The following FBLN7 variants were observed in gnomAD, a reference collection of about 807,000 sequenced individuals.
FBLN7 encodes fibulin-7.
FBLN7 carries 31 observed loss-of-function variants against 44.0 expected under a neutral mutation model. The observed-to-expected ratio is 0.70, with a 90% CI of 0.53 to 0.95. The LOEUF (loss-of-function observed/expected upper bound fraction) is 0.95. Ranked by LOEUF, FBLN7 falls within the 40% of genes least tolerant of loss-of-function variation. FBLN7 has a pLI of 0.00. For missense variants in FBLN7, 573 were observed against 618.5 expected, an observed-to-expected ratio of 0.93 and a Z score of 0.78; for synonymous variants, 262 against 253.4, an observed-to-expected ratio of 1.03 and a Z score of -0.32.
chr2:112,169,499 C>A lies in FBLN7; in HGVS notation c.406+4328C>A, dbSNP rs537083675. 2.6e-5 allele frequency among the ~76,000 whole-genome samples: 4 copies of A among 152,254 alleles called. No homozygotes were observed. In the South Asian group the frequency reaches 8.3e-4, roughly 32 times the overall value. ...TTGTGCCTTTGACAACGTGGGTAAC[C>A]AAAGAAACGAATTTGAGAGATATAA... On this transcript the variant is annotated intron_variant, in intron 3 of 7. Coordinates refer to ENST00000331203, the MANE Select transcript of FBLN7 (RefSeq NM_153214.3).
chr2:112,159,167 T>C (rs987913274), intron 1 of FBLN7, among the ~76,000 whole-genome samples: 1 of 151,496 alleles, frequency 6.6e-6, no homozygotes, highest in Admixed American at 6.6e-5. Context: ...TGACTTTTAT[T>C]GAATGCCTCT....
intron 6 of FBLN7, among the ~76,000 whole-genome samples, chr2:112,184,418 G>C (rs138379868): frequency 1.2e-3 from 179 of 152,268 alleles, no homozygotes; most frequent in Non-Finnish European, 1.9e-3. Context: ...AAGGCATCCA[G>C]ATAGCCACCC....
chr2:112,227,164 C>A, the FBLN7 span, among the ~76,000 whole-genome samples: 1 of 152,214 alleles, frequency 6.6e-6, no homozygotes, highest in African/African-American at 2.4e-5. Context: ...TTCTATTTAA[C>A]CTTGTATAGA....
chr2:112,197,557 T>C, the FBLN7 span, among the ~76,000 whole-genome samples: 2 of 152,082 alleles, frequency 1.3e-5, no homozygotes, highest in African/African-American at 4.8e-5. Flanking sequence ...CCCTAGGAAA[T>C]GAACACACCT....
chr2:112,198,345 G>C, the FBLN7 span, among the ~76,000 whole-genome samples: 62 of 152,170 alleles, frequency 4.1e-4, no homozygotes, highest in Admixed American at 8.5e-4. Context: ...CCTTATAAAA[G>C]AAACCCAGAG....
chr2:112,217,146 A>C, the FBLN7 span, among the ~76,000 whole-genome samples: 1 of 152,192 alleles, frequency 6.6e-6, no homozygotes. Flanking sequence ...AGGCGGGTGG[A>C]TCACTTGAGC....
At chr2:112,142,735 C>T (rs531201492) in intron 1 of FBLN7, among the ~76,000 whole-genome samples, 2 of 151,210 alleles carry the variant, frequency 1.3e-5, no homozygotes, top group East Asian at 2.0e-4. Context: ...TAGGAGACAG[C>T]GCAAGAGTAA....
the FBLN7 span, among the ~76,000 whole-genome samples, chr2:112,202,414 A>G: frequency 1.3e-5 from 2 of 151,296 alleles, no homozygotes; most frequent in East Asian, 3.9e-4. Context: ...TATTACATAT[A>G]TAGATATGAA....
the FBLN7 span, among the ~76,000 whole-genome samples, chr2:112,218,677 C>T: frequency 3.3e-5 from 5 of 152,016 alleles, no homozygotes; most frequent in Admixed American, 2.6e-4. Context: ...AATTTGGAAA[C>T]ATAGAGAGAG....
the FBLN7 span, among the ~76,000 whole-genome samples, chr2:112,201,922 A>C: frequency 6.6e-6 from 1 of 152,234 alleles, no homozygotes; most frequent in African/African-American, 2.4e-5. Context: ...GTGTGTCAGC[A>C]GATATGAGGC....
At chr2:112,176,299 A>C (rs1365094831) in intron 4 of FBLN7, 1 of 153,518 alleles carries the variant, frequency 6.5e-6, no homozygotes, top group Admixed American at 6.5e-5. Flanking sequence ...ATTACTATTC[A>C]CATCTTGAGT....
At chr2:112,234,331 T>G in the FBLN7 span, 8 of 947,536 alleles carry the variant, frequency 8.4e-6, no homozygotes, top group East Asian at 2.2e-4. Flanking sequence ...CTTCAGAGCC[T>G]TAAAGGTGAC....
the FBLN7 span, among the ~76,000 whole-genome samples, chr2:112,243,026 G>A: frequency 6.6e-6 from 1 of 152,184 alleles, no homozygotes; most frequent in African/African-American, 2.4e-5. Context: ...AAAGATATGA[G>A]GAAACTGGAG....
chr2:112,169,327 G>A (rs1322314611), intron 3 of FBLN7, among the ~76,000 whole-genome samples: 2 of 152,066 alleles, frequency 1.3e-5, no homozygotes, highest in Non-Finnish European at 2.9e-5. Flanking sequence ...AACAGCAGGC[G>A]TAGGTGGACT....
chr2:112,178,625 C>T (rs1324070181), intron 4 of FBLN7, among the ~76,000 whole-genome samples: 1 of 152,204 alleles, frequency 6.6e-6, no homozygotes, highest in Non-Finnish European at 1.5e-5. Context: ...CAAACCAAAT[C>T]CAGCAGCACA....
chr2:112,155,692 C>T (rs1681374841), intron 1 of FBLN7, among the ~76,000 whole-genome samples: 1 of 152,232 alleles, frequency 6.6e-6, no homozygotes, highest in South Asian at 2.1e-4. Context: ...CCTCAATGAG[C>T]ACCGGGGAGA....
the FBLN7 span, among the ~76,000 whole-genome samples, chr2:112,242,964 A>G: frequency 6.6e-6 from 1 of 152,252 alleles, no homozygotes; most frequent in South Asian, 2.1e-4. Context: ...AAATCTGTCC[A>G]GAGAAAATAA....
chr2:112,165,422 C>T (rs1254378641), intron 3 of FBLN7, among the ~76,000 whole-genome samples: 2 of 152,288 alleles, frequency 1.3e-5, no homozygotes, highest in Admixed American at 6.5e-5. Flanking sequence ...CTGAGGCACA[C>T]AGAGGTTCAA....
rs760281749 is a variant in FBLN7 at position 112,185,229 on chromosome 2, G to C, written c.837G>C (p.Pro279=). 2 of 1,613,734 alleles carry C rather than the reference G, an allele frequency of 1.2e-6. No homozygotes were observed. The highest frequency in any genetic ancestry group is 1.7e-4 in the Middle Eastern group (1 of 6,056). ...TGGATGAATGTGTGGGCCTGCAGCC[G>C]GTGTGCCCCCAGGGGACCACATGCA... ...EDVDECVGLQ[P]VCPQGTTCIN... is the part of the protein sequence containing the mutation. The change falls in exon 7 of 8, where the codon CCG becomes CCC. Residue 279 remains proline (P), a synonymous_variant. Coordinates refer to ENST00000331203, the MANE Select transcript of FBLN7 (RefSeq NM_153214.3).
Sources: gnomAD v4.1 joint callset for allele counts (sites outside exome capture counted in the v4.1 genomes callset) on GRCh38, gnomAD v4.1.1 for gene constraint, MANE v1.5 for transcripts, NCBI Gene and HGNC (gene_info 2026-07-23, HGNC 2026-07-21) for gene names.